The following DGKI variants were observed in gnomAD, a reference collection of about 807,000 sequenced individuals.
DGKI encodes the protein diacylglycerol kinase iota.
Under a neutral mutation model 147.5 loss-of-function variants are expected in DGKI, and 55 were observed. The ratio of observed to expected loss-of-function variants is 0.37; its 90% CI spans 0.30 to 0.47. The LOEUF (loss-of-function observed/expected upper bound fraction) is 0.47. Ranked by LOEUF, DGKI falls within the 20% of genes least tolerant of loss-of-function variation. The probability of loss-of-function intolerance (pLI) is 1.00; values close to 1 mark genes in which losing one functional copy is unlikely to be tolerated. For missense variants in DGKI, 1,007 were observed against 1,323.8 expected, an observed-to-expected ratio of 0.76 and a Z score of 3.71; for synonymous variants, 469 against 477.1, an observed-to-expected ratio of 0.98 and a Z score of 0.22.
chr7:137,490,605 G>C (rs1169252252), intron 21 of DGKI, among the ~76,000 whole-genome samples: 2 of 152,254 alleles, frequency 1.3e-5, no homozygotes, highest in East Asian at 3.9e-4. Context: ...ATTGTAATCT[G>C]ACACTTCCAT....
chr7:137,469,409 G>T, intron 24 of DGKI, 141 bp downstream of exon 24: 3 of 743,272 alleles, frequency 4.0e-6, no homozygotes, highest in Non-Finnish European at 4.5e-6. Context: ...ACATTGTTCC[G>T]CATGCCAATA....
In DGKI at chr7:137,648,935, C is replaced by T. The variant is rs193065570; in HGVS notation, c.739-3398G>A. 3.2e-4 allele frequency among the ~76,000 whole-genome samples: 49 copies of T among 152,098 alleles called. 1 individual carries two copies. Among genetic ancestry groups the T allele is most frequent in the Admixed American group, 1.4e-3 (21 of 15,268 alleles). On this transcript the variant is annotated intron_variant, in intron 5 of 32. Coordinates refer to ENST00000614521, the MANE Select transcript of DGKI (RefSeq NM_001321708.2). ...ATATCATCCTTCCTAGAAAATAAGC[C>T]GAAAACTAAGGCATGGATTGATAAA...
chr7:137,664,472 A>G (rs6955400), intron 3 of DGKI, among the ~76,000 whole-genome samples: 9,158 of 152,222 alleles, frequency 0.06, 940 homozygotes, highest in African/African-American at 0.21. Context: ...TTATAGCTGA[A>G]CAACTATAAT....
chr7:137,564,860 C>A (rs753289280), intron 19 of DGKI, among the ~76,000 whole-genome samples: 6 of 152,246 alleles, frequency 3.9e-5, no homozygotes, highest in Non-Finnish European at 7.3e-5. Flanking sequence ...ATGCAGCTGG[C>A]TGGCCTTCAG....
chr7:137,788,785 G>C (rs1047505114), intron 1 of DGKI, among the ~76,000 whole-genome samples: 1 of 151,982 alleles, frequency 6.6e-6, no homozygotes, highest in African/African-American at 2.4e-5. Context: ...TGCTTTCTAG[G>C]CTGGGGAGTT....
At chr7:137,697,599 A>G (rs1416891069) in intron 1 of DGKI, among the ~76,000 whole-genome samples, 2 of 152,202 alleles carry the variant, frequency 1.3e-5, no homozygotes, top group Non-Finnish European at 1.5e-5. Flanking sequence ...TAAAATCATA[A>G]AACATCAGCT....
At chr7:137,508,419 G>T (rs1816448376) in intron 21 of DGKI, among the ~76,000 whole-genome samples, 1 of 151,756 alleles carries the variant, frequency 6.6e-6, no homozygotes, top group South Asian at 2.1e-4. Flanking sequence ...GTAGAGACAG[G>T]GTTTCACCGT....
intron 1 of DGKI, among the ~76,000 whole-genome samples, chr7:137,844,345 G>T (rs1747152608): frequency 6.6e-6 from 1 of 152,182 alleles, no homozygotes; most frequent in Non-Finnish European, 1.5e-5. Context: ...GATGGGGAGG[G>T]TTTATGAGTT....
intron 3 of DGKI, among the ~76,000 whole-genome samples, chr7:137,662,332 C>T (rs1822467613): frequency 6.6e-6 from 1 of 151,388 alleles, no homozygotes; most frequent in Non-Finnish European, 1.5e-5. Flanking sequence ...CAAGCTCTGC[C>T]TCCCGGGTTC....
rs571478150 is a variant in DGKI at position 137,523,923 on chromosome 7, C to G, written c.2148-1957G>C. ...TAAGTAGCAGTGCTAAACGCAAAGCCTTGGACCCTTCACTCATCAGTTTCA... is the reference window on the plus strand; with the variant it reads ...TAAGTAGCAGTGCTAAACGCAAAGCGTTGGACCCTTCACTCATCAGTTTCA... On this transcript the variant is annotated intron_variant, in intron 20 of 32. Coordinates refer to ENST00000614521, the MANE Select transcript of DGKI (RefSeq NM_001321708.2). Among the ~76,000 whole-genome samples, 3 of 147,370 alleles carry G rather than the reference C, an allele frequency of 2.0e-5. No homozygotes were observed. The East Asian group carries it at 5.8e-4, about 28-fold the overall frequency.
rs138782637 is a variant in DGKI, at chr7:137,704,257, C to A, written c.402-14255G>T. Among the ~76,000 whole-genome samples, 24 of 152,038 alleles carry A rather than the reference C, an allele frequency of 1.6e-4. No homozygotes were observed. In the East Asian group the frequency reaches 4.4e-3, roughly 28 times the overall value. ...ATTAAAATAAACCATGTCTAAGGAG[C>A]TAAAGGATACTATGAGAGCAATGTC... On this transcript the variant is annotated intron_variant, in intron 1 of 32. Coordinates refer to ENST00000614521, the MANE Select transcript of DGKI (RefSeq NM_001321708.2).
intron 21 of DGKI, among the ~76,000 whole-genome samples, chr7:137,519,275 G>C (rs1330435586): frequency 2.6e-5 from 4 of 152,056 alleles, no homozygotes; most frequent in Non-Finnish European, 4.4e-5. Flanking sequence ...TTGTCAGGGA[G>C]CCCTGCATTA....
intron 1 of DGKI, among the ~76,000 whole-genome samples, chr7:137,831,951 T>C (rs957113771): frequency 1.1e-4 from 16 of 152,214 alleles, no homozygotes; most frequent in African/African-American, 3.9e-4. Context: ...CCCATGCAAG[T>C]CTGAAATTCA....
intron 23 of DGKI, among the ~76,000 whole-genome samples, chr7:137,472,928 A>C (rs527313293): frequency 6.6e-6 from 1 of 152,138 alleles, no homozygotes; most frequent in South Asian, 2.1e-4. Flanking sequence ...AAATCAATGG[A>C]AAAAATACAG....
chr7:137,653,802 ATTTTTACCAGAC>A (rs1822121296), intron 5 of DGKI, among the ~76,000 whole-genome samples: 1 of 152,134 alleles, frequency 6.6e-6, no homozygotes, highest in South Asian at 2.1e-4. Flanking sequence ...ATCAGAAATC[ATTTTTACCAGAC>A]TTTGTCTTAA....
intron 1 of DGKI, among the ~76,000 whole-genome samples, chr7:137,831,046 T>C (rs1454566083): frequency 6.6e-6 from 1 of 152,210 alleles, no homozygotes; most frequent in Non-Finnish European, 1.5e-5. Flanking sequence ...ACATATTAAG[T>C]ATTCACTAAA....
At chr7:137,639,752 G>A (rs753670071) in intron 6 of DGKI, among the ~76,000 whole-genome samples, 5 of 152,148 alleles carry the variant, frequency 3.3e-5, no homozygotes, top group Non-Finnish European at 7.3e-5. Flanking sequence ...AAAGACCCAG[G>A]GAGCAGTGAC....
intron 28 of DGKI, 71 bp from the exon 29 acceptor site, chr7:137,412,278 T>C (rs1378717106): frequency 6.8e-7 from 1 of 1,466,524 alleles, no homozygotes; most frequent in East Asian, 2.3e-5. Flanking sequence ...CAAAGTTGGA[T>C]CCATATTTTG....
chr7:137,643,268 G>A (rs1287101357), intron 6 of DGKI, among the ~76,000 whole-genome samples: 1 of 135,624 alleles, frequency 7.4e-6, no homozygotes, highest in Non-Finnish European at 1.5e-5. Flanking sequence ...TCCAACCTGG[G>A]AGACACAGCG....
Sources: allele counts gnomAD v4.1 joint callset (sites outside exome capture counted in the v4.1 genomes callset), GRCh38; gene constraint gnomAD v4.1.1; transcripts MANE v1.5; gene names NCBI Gene and HGNC (gene_info 2026-07-23, HGNC 2026-07-21).